The following CCNB3 variants were observed in gnomAD, a reference collection of about 807,000 sequenced individuals.
The protein encoded by CCNB3 is G2/mitotic-specific cyclin-B3.
In CCNB3, 12 loss-of-function variants were observed where a neutral mutation model predicts 68.0. The ratio of observed to expected loss-of-function variants is 0.18; its 90% confidence interval spans 0.11 to 0.29. The LOEUF is 0.29. CCNB3 is among the 10% of genes least tolerant of loss of function. The pLI is 1.00. For synonymous variants in CCNB3, 354 were observed against 388.9 expected (o/e 0.91, Z 1.06); for missense variants, 904 against 993.1 (o/e 0.91, Z 1.21).
At chrX:50,223,040 C>T (rs1052400530) in intron 1 of CCNB3, among the ~76,000 whole-genome samples, 12 of 109,972 alleles carry the variant, frequency 1.1e-4, no homozygotes, top group Non-Finnish European at 9.5e-5. Flanking sequence ...TCCTTTATTC[C>T]GCTTGATTGA....
chrX:50,313,572 A>G (rs1921577196), intron 7 of CCNB3, among the ~76,000 whole-genome samples: 1 of 112,107 alleles, frequency 8.9e-6, no homozygotes, highest in African/African-American at 3.2e-5. Context: ...TTGAATTGCA[A>G]AGAAAGGGCA....
In CCNB3 at chrX:50,309,622, A is replaced by G. The variant is rs1921292384; in HGVS notation, c.1453A>G (p.Thr485Ala). ...KKCTIEEAPP[T>A]KKPLILKRKH... ...GTGTACCATTGAGGAGGCACCCCCC[A>G]CCAAGAAGCCTTTAATTTTAAAGAG... is the stretch of plus-strand genomic sequence containing the variant. The change falls in exon 6 of 13, where the codon ACC becomes GCC. Residue 485 changes from threonine to alanine, a missense_variant. This residue lies in a region of CCNB3 where 619 missense variants were observed against 609.8 expected (regional missense o/e 1.02). Coordinates refer to ENST00000376042, the MANE Select transcript of CCNB3 (RefSeq NM_033031.3). The G allele has an allele frequency of 4.1e-6, 5 of 1,211,374 alleles. No individual in the cohort carries two copies. The East Asian group carries it at 1.5e-4, about 36-fold the overall frequency.
rs1207402668 is a variant in CCNB3, at chrX:50,226,939, T to C, written c.-113+21989T>C. ...ATATATATAGAATATATATAGTATA[T>C]ATATAGAATATATATAGTATATATA... On this transcript the variant is annotated intron_variant, in intron 1 of 12. Coordinates refer to ENST00000376042, the MANE Select transcript of CCNB3 (RefSeq NM_033031.3). Among the ~76,000 whole-genome samples, 10 of 76,312 alleles carry C rather than the reference T, an allele frequency of 1.3e-4. 1 individual carries two copies. Among genetic ancestry groups the C allele is most frequent in the African/African-American group, 4.4e-4 (8 of 18,195 alleles). 66.3% of individuals were successfully genotyped at this position (76,312 alleles called of 115,157 possible).
intron 3 of CCNB3, among the ~76,000 whole-genome samples, chrX:50,286,611 CG>C (rs1313727165): frequency 0.023 from 1,983 of 87,429 alleles, 55 homozygotes; most frequent in African/African-American, 0.082. Context: ...GCCCTCAGTT[CG>C]GTTTTTTTTT....
At chrX:50,331,597 A>G (rs1293327660) in intron 8 of CCNB3, among the ~76,000 whole-genome samples, 1 of 111,841 alleles carries the variant, frequency 8.9e-6, no homozygotes, top group African/African-American at 3.3e-5. Context: ...CAGGCTTGCC[A>G]TGGCCATTGG....
intron 8 of CCNB3, among the ~76,000 whole-genome samples, chrX:50,331,928 G>A (rs924184748): frequency 2.7e-5 from 3 of 111,554 alleles, no homozygotes; most frequent in Non-Finnish European, 5.6e-5. Context: ...TACAGGAAGA[G>A]CCACTTTTTC....
At chrX:50,225,186 A>G (rs2146990567) in intron 1 of CCNB3, among the ~76,000 whole-genome samples, 1 of 111,064 alleles carries the variant, frequency 9.0e-6, no homozygotes, top group East Asian at 2.8e-4. Context: ...GGCCTCTCTG[A>G]AGAGGGGACG....
rs1450269797 is a variant in CCNB3 at position 50,351,752 on chromosome X, A to G, written c.*49A>G. Reference sequence around the variant, plus strand: ...CATGTTAACAGGGTATATTTATTCTATGTTCGAATTTGTCTTTTGATCGCT... The same window carrying G: ...CATGTTAACAGGGTATATTTATTCTGTGTTCGAATTTGTCTTTTGATCGCT... On this transcript the variant is annotated 3_prime_UTR_variant, in exon 13 of 13. Transcript: ENST00000376042. The G allele has an allele frequency of 8.4e-6, 8 of 949,886 alleles. No individual in the cohort carries two copies. The highest frequency in any genetic ancestry group is 2.0e-5 in the African/African-American group (1 of 51,177). The allele number at this position is 949,886 out of a possible 1,213,427, so 78.3% of individuals were successfully genotyped here. A position where few individuals can be genotyped will look rare whatever the true frequency, so the allele number is the denominator to read the frequency against.
intron 8 of CCNB3, among the ~76,000 whole-genome samples, chrX:50,332,562 G>A (rs1295093601): frequency 1.8e-5 from 2 of 111,406 alleles, no homozygotes; most frequent in Non-Finnish European, 3.8e-5. Context: ...GTCAGCTTCC[G>A]GGTGTGACTG....
At chrX:50,296,129 TTTA>T (rs1186543091) in intron 5 of CCNB3, among the ~76,000 whole-genome samples, 4 of 110,614 alleles carry the variant, frequency 3.6e-5, no homozygotes, top group South Asian at 7.7e-4. Flanking sequence ...TCTTTGTTTT[TTTA>T]TTATTATTAT....
intron 11 of CCNB3, 142 bp from the exon 12 acceptor site, chrX:50,351,099 T>C: frequency 4.8e-6 from 3 of 628,719 alleles, no homozygotes; most frequent in Non-Finnish European, 5.0e-6. Flanking sequence ...TTGATCAGCG[T>C]CCAGATGGTG....
At chrX:50,316,355 C>T (rs1013781016) in intron 8 of CCNB3, among the ~76,000 whole-genome samples, 2 of 112,013 alleles carry the variant, frequency 1.8e-5, no homozygotes, top group South Asian at 3.8e-4. Flanking sequence ...CTAATACACA[C>T]GGTGTGTTTA....
In CCNB3 at chrX:50,285,235, C is replaced by T. The variant is rs751326267; in HGVS notation, c.72C>T (p.Pro24=). 41 of 1,206,480 alleles carry T rather than the reference C, an allele frequency of 3.4e-5. No homozygotes were observed. The highest frequency in any genetic ancestry group is 1.9e-4 in the African/African-American group (11 of 57,033). ...PKKSQSSKIV[P]SHHDPSEKTG... is the part of the protein sequence containing the mutation. ...AATCTCAGTCCAGCAAAATTGTGCC[C>T]AGTCATCATGACCCATCTGAAAAGG... Residue 24 remains proline, a synonymous_variant, in exon 3 of 13, where the codon CCC becomes CCT. Transcript: ENST00000376042.
At chrX:50,286,934 C>T (rs1430843860) in intron 3 of CCNB3, among the ~76,000 whole-genome samples, 2 of 112,516 alleles carry the variant, frequency 1.8e-5, no homozygotes, top group Admixed American at 1.9e-4. Flanking sequence ...AGGCGTGAGC[C>T]GCCGCGTCGG....
intron 1 of CCNB3, among the ~76,000 whole-genome samples, chrX:50,228,088 AATAT>A (rs1367833213): frequency 2.2e-5 from 2 of 89,341 alleles, no homozygotes; most frequent in African/African-American, 8.3e-5. Flanking sequence ...ATATTTAGAG[AATAT>A]ATATAATATA....
chrX:50,206,945 T>C (rs1350908717), intron 1 of CCNB3, among the ~76,000 whole-genome samples: 8 of 110,957 alleles, frequency 7.2e-5, no homozygotes, highest in African/African-American at 2.3e-4. Flanking sequence ...AATGACTTCA[T>C]GTGGTCACTA....
intron 8 of CCNB3, among the ~76,000 whole-genome samples, chrX:50,335,671 C>T (rs970076642): frequency 9.0e-6 from 1 of 111,688 alleles, no homozygotes; most frequent in Non-Finnish European, 1.9e-5. Context: ...CGCCCATATT[C>T]GGGGCCATCG....
At chrX:50,306,840 A>T (rs1557213640) in intron 5 of CCNB3, among the ~76,000 whole-genome samples, 2 of 111,497 alleles carry the variant, frequency 1.8e-5, no homozygotes, top group African/African-American at 6.5e-5. Context: ...ATGGTGTATA[A>T]TCCTTTTATA....
At chrX:50,349,676 CT>C (rs1384717917) in intron 11 of CCNB3, among the ~76,000 whole-genome samples, 1 of 111,928 alleles carries the variant, frequency 8.9e-6, no homozygotes, top group African/African-American at 3.3e-5. Context: ...AATGACGGCC[CT>C]TTGCCGGTGG....
Sources: allele counts gnomAD v4.1 joint callset (sites outside exome capture counted in the v4.1 genomes callset), GRCh38; gene constraint gnomAD v4.1.1; regional missense constraint gnomAD v4.1.1; transcripts MANE v1.5; gene names NCBI Gene and HGNC (gene_info 2026-07-23, HGNC 2026-07-21).